Variants in CARD8 observed in about 807,000 individuals in gnomAD.
CARD8 encodes the protein caspase recruitment domain-containing protein 8.
CARD8 carries 38 observed loss-of-function variants against 53.2 expected under a neutral mutation model. The ratio of observed to expected loss-of-function variants is 0.71; its 90% CI spans 0.55 to 0.94. CARD8 has a LOEUF of 0.94. Among genes scored for constraint, CARD8 ranks in the 40% least tolerant of loss-of-function variants. The pLI is 0.00. For missense variants in CARD8, 561 were observed against 655.5 expected (o/e 0.86, Z 1.57); for synonymous variants, 245 against 244.9 (o/e 1.00, Z 0.00).
chr19:48,242,301 A>G (rs1427700319), intron 3 of CARD8, among the ~76,000 whole-genome samples: 1 of 152,148 alleles, frequency 6.6e-6, no homozygotes, highest in African/African-American at 2.4e-5. Flanking sequence ...CCGTCTATGA[A>G]CAAGGAAGCA....
intron 12 of CARD8, among the ~76,000 whole-genome samples, chr19:48,216,138 C>CAAAA (rs60958180): frequency 1.4e-5 from 2 of 146,856 alleles, no homozygotes; most frequent in African/African-American, 2.5e-5. Flanking sequence ...AATTTGCTAT[C>CAAAA]AAAAAAAAAA....
chr19:48,222,436 A>T (rs2040838983), intron 10 of CARD8, among the ~76,000 whole-genome samples: 1 of 152,234 alleles, frequency 6.6e-6, no homozygotes, highest in Non-Finnish European at 1.5e-5. Flanking sequence ...CACACCTGTA[A>T]TCCTAGCGCT....
chr19:48,246,599 T>C (rs2046153914), intron 3 of CARD8, among the ~76,000 whole-genome samples: 1 of 146,534 alleles, frequency 6.8e-6, no homozygotes, highest in South Asian at 2.2e-4. Flanking sequence ...TTCTGATACA[T>C]GAAATAGAAA....
intron 13 of CARD8, among the ~76,000 whole-genome samples, 159 bp from the exon 14 acceptor site, chr19:48,212,134 T>C (rs549609094): frequency 7.9e-5 from 12 of 152,354 alleles, no homozygotes; most frequent in Admixed American, 5.2e-4. Context: ...ACAGAGCAAA[T>C]ATACCCTTTG....
chr19:48,248,718 T>C (rs1202658719), intron 3 of CARD8, among the ~76,000 whole-genome samples: 1 of 152,208 alleles, frequency 6.6e-6, no homozygotes, highest in Admixed American at 6.5e-5. Context: ...TGAAATTATG[T>C]GTGGACAAGA....
chr19:48,205,162 T>C (rs2037297125), downstream of CARD8, among the ~76,000 whole-genome samples: 1 of 152,210 alleles, frequency 6.6e-6, no homozygotes, highest in Non-Finnish European at 1.5e-5. Context: ...ACTGACTGTG[T>C]GCCAGAGACT....
intron 10 of CARD8, among the ~76,000 whole-genome samples, chr19:48,228,808 G>A (rs1389726853): frequency 6.6e-6 from 1 of 152,076 alleles, no homozygotes; most frequent in Non-Finnish European, 1.5e-5. Flanking sequence ...AGAGGGAAAG[G>A]GACCCAAGAC....
At chr19:48,214,272 T>C (rs763865199) in intron 13 of CARD8, among the ~76,000 whole-genome samples, 12 of 152,052 alleles carry the variant, frequency 7.9e-5, no homozygotes, top group Non-Finnish European at 1.5e-4. Context: ...CCACCAGAAA[T>C]GTCAGGCAAC....
At chr19:48,212,783 G>C (rs1194068113) in intron 13 of CARD8, among the ~76,000 whole-genome samples, 1 of 152,202 alleles carries the variant, frequency 6.6e-6, no homozygotes, top group Non-Finnish European at 1.5e-5. Context: ...GATGTTCTTT[G>C]ATTTATTTTA....
intron 3 of CARD8, among the ~76,000 whole-genome samples, chr19:48,242,822 G>A (rs1342372311): frequency 3.3e-5 from 5 of 152,032 alleles, no homozygotes; most frequent in African/African-American, 4.8e-5. Context: ...TGCTCGCTTC[G>A]GCAGCACATA....
chr19:48,241,316 C>G (rs1005860814), intron 3 of CARD8, among the ~76,000 whole-genome samples: 4 of 152,066 alleles, frequency 2.6e-5, no homozygotes, highest in Non-Finnish European at 5.9e-5. Context: ...AGTGCAATGG[C>G]GAGATCTTGA....
intron 13 of CARD8, among the ~76,000 whole-genome samples, chr19:48,214,175 G>A (rs1380098734): frequency 6.6e-6 from 1 of 152,216 alleles, no homozygotes; most frequent in Non-Finnish European, 1.5e-5. Flanking sequence ...CAGATGACAA[G>A]GATGGAAGGA....
At chr19:48,233,509 GTTGCTGT>G in intron 6 of CARD8, 2 of 407,934 alleles carry the variant, frequency 4.9e-6, no homozygotes, top group Non-Finnish European at 9.8e-6. Flanking sequence ...CCTAAGACTG[GTTGCTGT>G]CTGCGGCTAC....
At chr19:48,232,379 C>G (rs1355168008) in intron 7 of CARD8, 74 bp downstream of exon 7, 3 of 1,368,712 alleles carry the variant, frequency 2.2e-6, no homozygotes, top group Non-Finnish European at 3.0e-6. Flanking sequence ...TCTAAATTGT[C>G]TTCTTCACAT....
chr19:48,220,358 A>G (rs2040232847), intron 11 of CARD8, among the ~76,000 whole-genome samples: 1 of 152,170 alleles, frequency 6.6e-6, no homozygotes, highest in African/African-American at 2.4e-5. Flanking sequence ...TTAGTGTCCA[A>G]AAAGGAGACA....
At chr19:48,207,511 T>C (rs557040438), downstream of CARD8, among the ~76,000 whole-genome samples, 15 of 152,282 alleles carry the variant, frequency 9.9e-5, no homozygotes, top group African/African-American at 3.6e-4. Flanking sequence ...TAATGAGGTT[T>C]CTGATAACTA....
At chr19:48,234,049 C>T (rs1211592531) in intron 6 of CARD8, 1 of 179,686 alleles carries the variant, frequency 5.6e-6, no homozygotes, top group African/African-American at 2.4e-5. Context: ...TCTCCCCTCC[C>T]CGGTGTTAAA....
chr19:48,253,094 G>A (rs1600781443), intron 1 of CARD8, among the ~76,000 whole-genome samples: 1 of 152,144 alleles, frequency 6.6e-6, no homozygotes, highest in South Asian at 2.1e-4. Context: ...AATAGCACAA[G>A]AGATTATACA....
Position 48,240,962 on chromosome 19 carries a change from C to T in CARD8, c.59G>A (p.Arg20Gln), listed in dbSNP as rs531887260. 3.9e-6 allele frequency: 6 copies of T among 1,535,810 alleles called. No individual in the cohort carries two copies. Among genetic ancestry groups the T allele is most frequent in the South Asian group, 1.2e-5 (1 of 84,050 alleles). The stretch of plus-strand genomic sequence containing the variant: ...CCTCACAGAGCGCAAAGTCACTCAC[C>T]GTCTCGGCAGCTCTTCCTCACTGCT... ...SSSSEEELPR[R>Q]DSGSSRNIDA... The change falls in exon 4 of 14, where the codon CGG (arginine) becomes CAG (glutamine). Residue 20 changes from arginine (R) to glutamine (Q), a missense_variant and splice_region_variant. Coordinates refer to ENST00000651546, the MANE Select transcript of CARD8 (RefSeq NM_001184900.3).
Sources: gnomAD v4.1 joint callset for allele counts (sites outside exome capture counted in the v4.1 genomes callset) on GRCh38, gnomAD v4.1.1 for gene constraint, MANE v1.5 for transcripts, NCBI Gene and HGNC (gene_info 2026-07-23, HGNC 2026-07-21) for gene names.